DCAF1: variants seen among roughly 807,000 people sequenced by gnomAD.
The protein encoded by DCAF1 is DDB1 and CUL4 associated factor 1.
Under a neutral mutation model 128.0 loss-of-function variants are expected in DCAF1, and 15 were observed. The observed-to-expected ratio is 0.12, with a 90% confidence interval of 0.08 to 0.18. DCAF1 has a LOEUF of 0.18. DCAF1 is among the 10% of genes least tolerant of loss of function. The pLI, the probability that DCAF1 is intolerant of heterozygous loss-of-function variation, is 1.00. For synonymous variants in DCAF1, 610 were observed against 603.0 expected, an observed-to-expected ratio of 1.01 and a Z score of -0.17; for missense variants, 988 against 1,649.5, an observed-to-expected ratio of 0.60 and a Z score of 6.95.
At chr3:51,435,892 C>T (rs540588015) in intron 9 of DCAF1, among the ~76,000 whole-genome samples, 1 of 151,932 alleles carries the variant, frequency 6.6e-6, no homozygotes, top group African/African-American at 2.4e-5. Flanking sequence ...AATAAAGTTG[C>T]CAAGTGGTAG....
In DCAF1 at chr3:51,466,445, TAGAC is replaced by T. The variant is rs1434918205; in HGVS notation, c.261+354_261+357del. Among the ~76,000 whole-genome samples, 6 of 152,282 alleles carry T rather than the reference TAGAC, an allele frequency of 3.9e-5. 1 individual carries two copies. The highest frequency in any genetic ancestry group is 1.9e-4 in the East Asian group (1 of 5,190). ...TTTACTCCTCACATCCTCCTCAAGA[TAGAC>T]AGAAAGCAACTTTCTATCCCTCTAC... On this transcript the variant is annotated intron_variant, in intron 5 of 24. Coordinates refer to ENST00000684031, the MANE Select transcript of DCAF1 (RefSeq NM_001387579.1).
At chr3:51,416,941 C>T (rs1248363708) in intron 17 of DCAF1, 70 bp from the exon 18 acceptor site, 9 of 1,545,230 alleles carry the variant, frequency 5.8e-6, no homozygotes, top group Non-Finnish European at 7.9e-6. Flanking sequence ...AACTGAAACA[C>T]AGGTGACCCC....
At chr3:51,439,508 C>T (rs1323915794) in intron 9 of DCAF1, among the ~76,000 whole-genome samples, 1 of 143,396 alleles carries the variant, frequency 7.0e-6, no homozygotes, top group African/African-American at 2.6e-5. Flanking sequence ...ATGGCACGAT[C>T]TCTGCTCACT....
At chr3:51,449,617 AC>A (rs1702172066) in intron 6 of DCAF1, among the ~76,000 whole-genome samples, 1 of 152,230 alleles carries the variant, frequency 6.6e-6, no homozygotes, top group Non-Finnish European at 1.5e-5. Flanking sequence ...CTAGAAAAAA[AC>A]AATACTCAAA....
At chr3:51,395,881 GTTTA>G (rs1341027329), downstream of DCAF1, 3 of 413,406 alleles carry the variant, frequency 7.3e-6, no homozygotes, top group African/African-American at 2.1e-5. Flanking sequence ...TGTTAAGCAT[GTTTA>G]TTTATTTGCC....
intron 6 of DCAF1, among the ~76,000 whole-genome samples, chr3:51,445,366 T>C (rs1020186895): frequency 1.4e-4 from 22 of 152,322 alleles, no homozygotes; most frequent in African/African-American, 5.3e-4. Context: ...ACTCAACATG[T>C]TTTTTAGATT....
At chr3:51,458,428 C>A (rs1232312665) in intron 6 of DCAF1, among the ~76,000 whole-genome samples, 10 of 152,066 alleles carry the variant, frequency 6.6e-5, no homozygotes, top group Non-Finnish European at 1.5e-5. Flanking sequence ...TCCTTAGTGA[C>A]CTACAAAGAG....
intron 6 of DCAF1, among the ~76,000 whole-genome samples, chr3:51,456,860 T>C (rs1208370879): frequency 6.6e-6 from 1 of 152,090 alleles, no homozygotes; most frequent in East Asian, 1.9e-4. Flanking sequence ...GACCTGTCTG[T>C]TAGAAGGAAA....
chr3:51,442,438 C>A (rs1208218059), intron 7 of DCAF1, among the ~76,000 whole-genome samples: 1 of 152,158 alleles, frequency 6.6e-6, no homozygotes, highest in Non-Finnish European at 1.5e-5. Context: ...TAGCTCACGC[C>A]TGTAATCCCA....
At chr3:51,441,119 T>G in intron 8 of DCAF1, 48 bp from the exon 9 acceptor site, 1 of 1,500,746 alleles carries the variant, frequency 6.7e-7, no homozygotes, top group Non-Finnish European at 9.1e-7. Flanking sequence ...TTTATTGTCA[T>G]GTATTTCCTA....
intron 2 of DCAF1, among the ~76,000 whole-genome samples, chr3:51,487,518 T>C (rs1707111093): frequency 6.6e-6 from 1 of 152,202 alleles, no homozygotes; most frequent in Non-Finnish European, 1.5e-5. Flanking sequence ...TACACTGCAT[T>C]CAGCTGTCAT....
chr3:51,456,616 T>A (rs782747866), intron 6 of DCAF1, among the ~76,000 whole-genome samples: 2 of 152,166 alleles, frequency 1.3e-5, no homozygotes, highest in Non-Finnish European at 2.9e-5. Flanking sequence ...GACTGCCTCC[T>A]CAAGTGGGTC....
intron 11 of DCAF1, 32 bp from the exon 12 acceptor site, chr3:51,429,502 G>A: frequency 1.3e-6 from 1 of 774,920 alleles, no homozygotes; most frequent in Non-Finnish European, 2.4e-6. Context: ...GGGCAAAAGA[G>A]GGGAAAAGGC....
chr3:51,488,873 G>C (rs1577320051), intron 2 of DCAF1, among the ~76,000 whole-genome samples: 1 of 152,286 alleles, frequency 6.6e-6, no homozygotes, highest in Non-Finnish European at 1.5e-5. Flanking sequence ...GCTGAGGTAG[G>C]AGAATTGCTT....
chr3:51,417,279 C>T (rs1698963189), intron 17 of DCAF1, among the ~76,000 whole-genome samples: 2 of 151,988 alleles, frequency 1.3e-5, no homozygotes, highest in Admixed American at 6.6e-5. Context: ...ATTAGCCAGG[C>T]GTGGTGGCAT....
chr3:51,420,183 A>AGCAGTAGGG lies in DCAF1; in HGVS notation c.2778_2786dup (p.Pro927_Ala929dup), dbSNP rs1699269096. ...CCTGGGGGGGCCGTGGCTGAGGATG[A>AGCAGTAGGG]GCAGTAGGGGCAGAAGGCGCAGAGG... On this transcript the variant is annotated inframe_insertion, in exon 15 of 25. Transcript: ENST00000684031. The surrounding 1 kb of genome is among the most constrained non-coding windows in gnomAD (Gnocchi z 6.5). 2.5e-6 allele frequency: 4 copies of AGCAGTAGGG among 1,613,962 alleles called. No homozygotes were observed. The highest frequency in any genetic ancestry group is 3.4e-6 in the Non-Finnish European group (4 of 1,179,888).
chr3:51,427,735 C>T (rs1700025580), intron 12 of DCAF1, among the ~76,000 whole-genome samples, 194 bp from the exon 13 acceptor site: 1 of 152,176 alleles, frequency 6.6e-6, no homozygotes, highest in African/African-American at 2.4e-5. Flanking sequence ...CAGGCTCAAG[C>T]TGCCCTCCTG....
At chr3:51,496,854 CAAGA>C (rs1708282378) in intron 1 of DCAF1, among the ~76,000 whole-genome samples, 74 bp from the exon 2 acceptor site, 1 of 152,090 alleles carries the variant, frequency 6.6e-6, no homozygotes, top group Non-Finnish European at 1.5e-5. Context: ...TATAAAGCCT[CAAGA>C]AATACTTATG....
At chr3:51,446,785 A>G (rs943278179) in intron 6 of DCAF1, among the ~76,000 whole-genome samples, 1 of 151,422 alleles carries the variant, frequency 6.6e-6, no homozygotes, top group African/African-American at 2.4e-5. Flanking sequence ...ACATGGTGAA[A>G]CCCCCATCTT....
Sources: allele counts gnomAD v4.1 joint callset (sites outside exome capture counted in the v4.1 genomes callset), GRCh38; gene constraint gnomAD v4.1.1; non-coding constraint Gnocchi (gnomAD v3.1); transcripts MANE v1.5; gene names NCBI Gene and HGNC (gene_info 2026-07-23, HGNC 2026-07-21).